C6orf132: variants seen among roughly 807,000 people sequenced by gnomAD.
C6orf132 encodes the protein chromosome 6 open reading frame 132, also known as uncharacterized protein C6orf132.
C6orf132 carries 43 observed loss-of-function variants against 65.3 expected under a neutral mutation model. That is an observed-to-expected ratio of 0.66 (90% CI 0.52 to 0.85). The LOEUF (loss-of-function observed/expected upper bound fraction) is 0.85. Among genes scored for constraint, C6orf132 ranks in the 40% least tolerant of loss-of-function variants. The pLI, the probability that C6orf132 is intolerant of heterozygous loss-of-function variation, is 0.00. For missense variants in C6orf132, 1,488 were observed against 1,548.8 expected (o/e 0.96, Z 0.66); for synonymous variants, 631 against 654.1 (o/e 0.96, Z 0.54).
intron 1 of C6orf132, among the ~76,000 whole-genome samples, chr6:42,138,504 A>G (rs1423226174): frequency 6.6e-6 from 1 of 152,196 alleles, no homozygotes; most frequent in Non-Finnish European, 1.5e-5. Flanking sequence ...CATGTTGCCC[A>G]GGCTGCCCTC....
In C6orf132 at chr6:42,106,568, G is replaced by A. The variant is rs1766410987; in HGVS notation, c.1344C>T (p.Pro448=). 1 of 1,530,770 alleles carries A rather than the reference G, an allele frequency of 6.5e-7. No individual in the cohort carries two copies. Among genetic ancestry groups the A allele is most frequent in the South Asian group, 1.2e-5 (1 of 83,946 alleles). The allele number at this position is 1,530,770 out of a possible 1,614,324, so 94.8% of individuals were successfully genotyped here. ...SPALKPKPNP[P]SPENTASSAP... ...CTGAAGACGCTGTGTTCTCTGGGCT[G>A]GGGGGGTTGGGTTTGGGTTTGAGAG... The change falls in exon 4 of 5, where the codon CCC becomes CCT. Residue 448 remains proline (P), a synonymous_variant. Coordinates refer to ENST00000341865, the MANE Select transcript of C6orf132 (RefSeq NM_001164446.3).
At chr6:42,107,852 T>C (rs1766438530) in intron 3 of C6orf132, among the ~76,000 whole-genome samples, 1 of 152,046 alleles carries the variant, frequency 6.6e-6, no homozygotes, top group Admixed American at 6.5e-5. Context: ...CTCCCCAGAG[T>C]CACCCTCTAA....
In C6orf132 at chr6:42,142,384, T is replaced by C; in HGVS notation, c.61A>G (p.Thr21Ala). 1 of 1,551,360 alleles carries C rather than the reference T, an allele frequency of 6.4e-7. No homozygotes were observed. The highest frequency in any genetic ancestry group is 8.7e-7 in the Non-Finnish European group (1 of 1,146,822). ...GCGTAGAGGGAGGTGCTGGGGGTCGTGGTGTGCTTCTTCCCGAAGAGTTTG... is the reference window on the plus strand; with the variant it reads ...GCGTAGAGGGAGGTGCTGGGGGTCGCGGTGTGCTTCTTCCCGAAGAGTTTG... ...FSKLFGKKHTTTPSTSLYATN... is the reference protein window; with the variant it reads ...FSKLFGKKHTATPSTSLYATN... Residue 21 changes from threonine (T) to alanine (A), a missense_variant, in exon 1 of 5, where the codon ACG becomes GCG. Thr to Ala is a moderately conservative substitution (Grantham distance 58, BLOSUM62 0). Coordinates refer to ENST00000341865, the MANE Select transcript of C6orf132 (RefSeq NM_001164446.3).
chr6:42,107,371 G>A lies in C6orf132; in HGVS notation c.541C>T (p.Pro181Ser), dbSNP rs1562033973. Reference sequence around the variant, plus strand: ...GGTGGGGCCATGCTGGGCGGGGGTGGGGGTTCCAGCAGCAGGGGAGGTGGT... The same window carrying A: ...GGTGGGGCCATGCTGGGCGGGGGTGAGGGTTCCAGCAGCAGGGGAGGTGGT... The part of the protein sequence containing the change: ...PPPPPLLLEP[P>S]PPPSMAPPPP... Residue 181 changes from proline (P) to serine (S), a missense_variant, in exon 4 of 5, where the codon CCA (proline) becomes TCA (serine). Physicochemically the swap from Pro to Ser is moderately conservative, Grantham distance 74. Coordinates refer to ENST00000341865, the MANE Select transcript of C6orf132 (RefSeq NM_001164446.3). 1.0e-5 allele frequency: 9 copies of A among 872,212 alleles called. No homozygotes were observed. Among genetic ancestry groups the A allele is most frequent in the Non-Finnish European group, 1.4e-5 (8 of 578,610 alleles). The allele number at this position is 872,212 out of a possible 1,614,324, so 54.0% of individuals were successfully genotyped here.
At position 42,142,479 on chromosome 6, in the gene C6orf132, C is replaced by T; in HGVS notation, c.-35G>A. ...GCCCGCGCGGGCGCCAGGGAAGGACCTTCCCTCCCTCGCCCTGCCCTGCCC... is the reference window on the plus strand; with the variant it reads ...GCCCGCGCGGGCGCCAGGGAAGGACTTTCCCTCCCTCGCCCTGCCCTGCCC... On this transcript the variant is annotated 5_prime_UTR_variant, in exon 1 of 5. Transcript: ENST00000341865. The T allele has an allele frequency of 6.5e-7, 1 of 1,543,744 alleles. No homozygotes were observed. The highest frequency in any genetic ancestry group is 8.7e-7 in the Non-Finnish European group (1 of 1,143,292).
chr6:42,114,231 T>C (rs1766533833), intron 2 of C6orf132, among the ~76,000 whole-genome samples: 1 of 152,212 alleles, frequency 6.6e-6, no homozygotes, highest in Non-Finnish European at 1.5e-5. Context: ...TAGGTCCCTA[T>C]TCTGACACAA....
intron 2 of C6orf132, among the ~76,000 whole-genome samples, chr6:42,117,300 A>G (rs536493594): frequency 5.3e-5 from 8 of 152,298 alleles, no homozygotes; most frequent in African/African-American, 1.4e-4. Flanking sequence ...GAGACAAGTT[A>G]TTATTTTTAT....
intron 2 of C6orf132, among the ~76,000 whole-genome samples, chr6:42,117,793 G>T (rs139747832): frequency 4.3e-4 from 65 of 151,804 alleles, no homozygotes; most frequent in African/African-American, 1.5e-3. Flanking sequence ...GTGTAGTGGT[G>T]GGCACCTGTA....
In C6orf132 at chr6:42,106,503, A is replaced by G; in HGVS notation, c.1409T>C (p.Leu470Pro). The G allele has an allele frequency of 6.5e-7, 1 of 1,535,072 alleles. No individual in the cohort carries two copies. The highest frequency in any genetic ancestry group is 8.7e-7 in the Non-Finnish European group (1 of 1,146,272). The change falls in exon 4 of 5, where the codon CTG becomes CCG. Residue 470 changes from leucine (L) to proline (P), a missense_variant. Transcript: ENST00000341865. ...GAGATAGGCTGCCAGCTCGTTCCGC[A>G]GCTTTTCCATCTGGCTGGGGTCCCT... is the stretch of plus-strand genomic sequence containing the variant. ...DWRDPSQMEK[L>P]RNELAAYLCG...
Position 42,106,091 on chromosome 6 carries a change from A to G in C6orf132, c.1821T>C (p.Asp607=). The G allele has an allele frequency of 1.3e-6, 2 of 1,537,234 alleles. No individual in the cohort carries two copies. Among genetic ancestry groups the G allele is most frequent in the Non-Finnish European group, 1.7e-6 (2 of 1,146,900 alleles). Residue 607 remains aspartate, a synonymous_variant, in exon 4 of 5, where the codon GAT becomes GAC. Coordinates refer to ENST00000341865, the MANE Select transcript of C6orf132 (RefSeq NM_001164446.3). ...GGRICENGAD[D]DKLSKPVAKN... ...TGGCCACAGGCTTGGAGAGTTTGTC[A>G]TCATCAGCCCCGTTTTCACAAATTC... is the stretch of plus-strand genomic sequence containing the variant.
chr6:42,101,667 T>C lies in C6orf132; in HGVS notation c.*2094A>G, dbSNP rs1227748533. 3.3e-5 allele frequency: 5 copies of C among 151,994 alleles called. No homozygotes were observed. The highest frequency in any genetic ancestry group is 1.2e-4 in the African/African-American group (5 of 41,352). The allele number at this position is 151,994 out of a possible 1,614,324, so 9.4% of individuals were successfully genotyped here. On this transcript the variant is annotated 3_prime_UTR_variant, in exon 5 of 5. Transcript: ENST00000341865. ...ACCCCTCGAGCCTTAACATAGCAGA[T>C]AAATTAATGATCTCTTTTATAAAAC...
At chr6:42,134,425 ATC>A (rs1457036233) in intron 1 of C6orf132, among the ~76,000 whole-genome samples, 1 of 152,114 alleles carries the variant, frequency 6.6e-6, no homozygotes, top group Non-Finnish European at 1.5e-5. Context: ...CACGTCTGTA[ATC>A]TCTGCATTTT....
rs548659918 is a variant in C6orf132 at position 42,115,481 on chromosome 6, C to T, written c.253-5190G>A. Reference sequence around the variant, plus strand: ...CTAACACGGCGAAACCCCGCCTCTACTAAAAACACAAAATATTAGCCCGGC... The same window carrying T: ...CTAACACGGCGAAACCCCGCCTCTATTAAAAACACAAAATATTAGCCCGGC... On this transcript the variant is annotated intron_variant, in intron 2 of 4. Coordinates refer to ENST00000341865, the MANE Select transcript of C6orf132 (RefSeq NM_001164446.3). 3.1e-4 allele frequency among the ~76,000 whole-genome samples: 46 copies of T among 150,450 alleles called. 1 individual carries two copies. Among genetic ancestry groups the T allele is most frequent in the South Asian group, 2.3e-3 (11 of 4,748 alleles).
At chr6:42,129,738 G>A (rs979503002) in intron 1 of C6orf132, among the ~76,000 whole-genome samples, 16 of 152,164 alleles carry the variant, frequency 1.1e-4, no homozygotes, top group Admixed American at 9.2e-4. Flanking sequence ...TGGCCCTCCT[G>A]CTATGTGGCT....
At position 42,104,652 on chromosome 6, in the gene C6orf132, C is replaced by T. The variant is rs968791132; in HGVS notation, c.3260G>A (p.Ser1087Asn). The change falls in exon 4 of 5, where the codon AGC becomes AAC. Residue 1087 changes from serine (S) to asparagine (N), a missense_variant. Transcript: ENST00000341865. The surrounding 1 kb of genome is among the most constrained non-coding windows in gnomAD (Gnocchi z 4.1). ...CTGCGGCCCGAAGCAGTTGGGAGAG[C>T]TCAGGCTGCGGCCGGTGCCACCGTG... ...LPHGGTGRSL[S>N]SPNCFGPQPG... 3.0e-5 allele frequency: 45 copies of T among 1,486,790 alleles called. No individual in the cohort carries two copies. The highest frequency in any genetic ancestry group is 3.8e-5 in the Non-Finnish European group (43 of 1,127,352). The allele number at this position is 1,486,790 out of a possible 1,614,324, so 92.1% of individuals were successfully genotyped here.
intron 2 of C6orf132, among the ~76,000 whole-genome samples, chr6:42,123,558 G>GAGAAGA (rs576371995): frequency 6.6e-6 from 1 of 151,282 alleles, no homozygotes; most frequent in Non-Finnish European, 1.5e-5. Flanking sequence ...GGAAGAGGAA[G>GAGAAGA]AGAAGAAGAA....
chr6:42,123,518 GGGAGGTGGA>G (rs1475853895), intron 2 of C6orf132, among the ~76,000 whole-genome samples: 1 of 149,944 alleles, frequency 6.7e-6, no homozygotes, highest in African/African-American at 2.5e-5. Flanking sequence ...AAGGAGGAGA[GGGAGGTGGA>G]GGAGGAGGAG....
At chr6:42,109,250 T>C (rs549243743) in intron 3 of C6orf132, among the ~76,000 whole-genome samples, 1 of 151,978 alleles carries the variant, frequency 6.6e-6, no homozygotes, top group East Asian at 1.9e-4. Context: ...CTGGCCAACA[T>C]GGTGAAACAC....
rs1198570529 is a variant in C6orf132, at chr6:42,104,696, G to A, written c.3216C>T (p.His1072=). ...IKKRLYVGEP[H]RGPGLPHGGT... Reference sequence around the variant, plus strand: ...CACCGTGGGGTAGCCCTGGGCCTCGGTGCGGCTCCCCGACGTACAGGCGCT... The same window carrying A: ...CACCGTGGGGTAGCCCTGGGCCTCGATGCGGCTCCCCGACGTACAGGCGCT... The change falls in exon 4 of 5, where the codon CAC becomes CAT. Residue 1072 remains histidine (H), a synonymous_variant. Transcript: ENST00000341865. This position sits in a 1 kb window ranked among gnomAD's most constrained non-coding sequence, Gnocchi z 4.1. 2.0e-6 allele frequency: 3 copies of A among 1,520,620 alleles called. No homozygotes were observed. Among genetic ancestry groups the A allele is most frequent in the Non-Finnish European group, 2.6e-6 (3 of 1,140,576 alleles). 94.2% of individuals were successfully genotyped at this position (1,520,620 alleles called of 1,614,324 possible).
Sources: gnomAD v4.1 joint callset for allele counts (sites outside exome capture counted in the v4.1 genomes callset) on GRCh38, gnomAD v4.1.1 for gene constraint, Gnocchi (gnomAD v3.1) non-coding constraint, MANE v1.5 for transcripts, NCBI Gene and HGNC (gene_info 2026-07-23, HGNC 2026-07-21) for gene names.